The following MAP1LC3B variants were observed in gnomAD, a reference collection of about 807,000 sequenced individuals.
MAP1LC3B encodes the protein microtubule associated protein 1 light chain 3 beta.
In MAP1LC3B, 12 loss-of-function variants were observed where a neutral mutation model predicts 16.7. The observed-to-expected ratio is 0.72, with a 90% CI of 0.46 to 1.16. The LOEUF (loss-of-function observed/expected upper bound fraction) is 1.16. Ranked by LOEUF, MAP1LC3B falls within the 50% of genes most tolerant of loss-of-function variation. The probability of loss-of-function intolerance (pLI) is 0.00; values close to 1 mark genes in which losing one functional copy is unlikely to be tolerated. For missense variants in MAP1LC3B, 155 were observed against 159.5 expected (o/e 0.97, Z 0.15); for synonymous variants, 63 against 56.5 (o/e 1.11, Z -0.51).
In MAP1LC3B at chr16:87,397,952, T is replaced by C. The variant is rs953575611; in HGVS notation, c.41-863T>C. Among the ~76,000 whole-genome samples, 9 of 152,168 alleles carry C rather than the reference T, an allele frequency of 5.9e-5. No homozygotes were observed. The South Asian group carries it at 6.2e-4, about 11-fold the overall frequency. On this transcript the variant is annotated intron_variant, in intron 1 of 3. Coordinates refer to ENST00000268607, the MANE Select transcript of MAP1LC3B (RefSeq NM_022818.5). ...GAACTGGACTTGGCTTGTTTTTTTT[T>C]CCCTGTATTGCCCACAGTCTAGTAC...
At chr16:87,393,124 G>C (rs1455347582) in intron 1 of MAP1LC3B, 2 of 152,296 alleles carry the variant, frequency 1.3e-5, no homozygotes, top group Admixed American at 6.5e-5. Flanking sequence ...GACTTCTCTT[G>C]GGTTTGCGAT....
intron 2 of MAP1LC3B, chr16:87,399,485 A>C: frequency 2.6e-6 from 1 of 382,622 alleles, no homozygotes; most frequent in South Asian, 2.0e-5. Flanking sequence ...CTTACACAGA[A>C]CCCTATGTAG....
At chr16:87,398,752 AGCAGT>A in intron 1 of MAP1LC3B, 58 bp from the exon 2 acceptor site, 8 of 1,426,262 alleles carry the variant, frequency 5.6e-6, no homozygotes, top group Non-Finnish European at 7.9e-6. Context: ...GAGAACCAGC[AGCAGT>A]GCTGGGAAGA....
intron 1 of MAP1LC3B, among the ~76,000 whole-genome samples, chr16:87,393,617 C>G (rs938720924): frequency 6.6e-6 from 1 of 152,138 alleles, no homozygotes; most frequent in African/African-American, 2.4e-5. Flanking sequence ...TGAGGCAGTC[C>G]GTTGGTTAGC....
chr16:87,402,273 G>A lies in MAP1LC3B; in HGVS notation c.195G>A (p.Lys65=), dbSNP rs1326147094. 1.1e-5 allele frequency: 17 copies of A among 1,613,702 alleles called. No homozygotes were observed. The highest frequency in any genetic ancestry group is 1.4e-5 in the Non-Finnish European group (17 of 1,179,786). Residue 65 remains lysine, a synonymous_variant, in exon 3 of 4, where the codon AAG becomes AAA. Coordinates refer to ENST00000268607, the MANE Select transcript of MAP1LC3B (RefSeq NM_022818.5). The stretch of plus-strand genomic sequence containing the variant: ...ATGTCAACATGAGTGAGCTCATCAA[G>A]ATAATTAGGTATTCAGTCACCTTTG... The part of the protein sequence containing the change: ...PDHVNMSELI[K]IIRRRLQLNA...
At chr16:87,402,126 C>T (rs770146953) in intron 2 of MAP1LC3B, 49 bp from the exon 3 acceptor site, 34 of 1,601,542 alleles carry the variant, frequency 2.1e-5, no homozygotes, top group South Asian at 6.6e-5. Context: ...TGAGCCACCG[C>T]GCCTGGCCCT....
chr16:87,394,499 C>T (rs567983791), intron 1 of MAP1LC3B, among the ~76,000 whole-genome samples: 4 of 152,218 alleles, frequency 2.6e-5, no homozygotes, highest in Non-Finnish European at 5.9e-5. Context: ...CTGATAAACT[C>T]TACCAGGATT....
chr16:87,402,944 T>C lies in MAP1LC3B; in HGVS notation c.225T>C (p.Ala75=). Residue 75 remains alanine, a synonymous_variant, in exon 4 of 4, where the codon GCT becomes GCC. Coordinates refer to ENST00000268607, the MANE Select transcript of MAP1LC3B (RefSeq NM_022818.5). ...KIIRRRLQLN[A]NQAFFLLVNG... Reference sequence around the variant, plus strand: ...ATAGAAGGCGCTTACAGCTCAATGCTAATCAGGCCTTCTTCCTGTTGGTGA... The same window carrying C: ...ATAGAAGGCGCTTACAGCTCAATGCCAATCAGGCCTTCTTCCTGTTGGTGA... 6.2e-7 allele frequency: 1 copy of C among 1,614,016 alleles called. No homozygotes were observed. The highest frequency in any genetic ancestry group is 8.5e-7 in the Non-Finnish European group (1 of 1,179,876).
intron 1 of MAP1LC3B, chr16:87,393,329 G>T (rs923452307): frequency 6.6e-6 from 1 of 152,222 alleles, no homozygotes; most frequent in African/African-American, 2.4e-5. Flanking sequence ...GGTATCTGTT[G>T]TTGCCTAAGT....
intron 2 of MAP1LC3B, among the ~76,000 whole-genome samples, chr16:87,401,718 CG>C (rs1229244222): frequency 6.6e-6 from 1 of 152,056 alleles, no homozygotes; most frequent in South Asian, 2.1e-4. Flanking sequence ...TTAGTAGAGT[CG>C]GGGTTTTGCC....
intron 1 of MAP1LC3B, among the ~76,000 whole-genome samples, chr16:87,398,306 G>A (rs1325355157): frequency 6.6e-6 from 1 of 152,172 alleles, no homozygotes; most frequent in Non-Finnish European, 1.5e-5. Context: ...GGGATTACAG[G>A]CATCATATTC....
intron 1 of MAP1LC3B, among the ~76,000 whole-genome samples, chr16:87,395,693 A>C (rs1907773573): frequency 6.6e-6 from 1 of 152,124 alleles, no homozygotes; most frequent in Non-Finnish European, 1.5e-5. Flanking sequence ...TTTACAGCTT[A>C]AGGAAGTAAC....
Position 87,402,288 on chromosome 16 carries a change from A to T in MAP1LC3B, c.203+7A>T. 6.2e-7 allele frequency: 1 copy of T among 1,611,688 alleles called. No homozygotes were observed. The highest frequency in any genetic ancestry group is 1.1e-5 in the South Asian group (1 of 90,928). On this transcript the variant is annotated splice_region_variant and intron_variant, in intron 3 of 3. Coordinates refer to ENST00000268607, the MANE Select transcript of MAP1LC3B (RefSeq NM_022818.5). ...AGCTCATCAAGATAATTAGGTATTCAGTCACCTTTGTTTCATAATATATTT... is the reference window on the plus strand; with the variant it reads ...AGCTCATCAAGATAATTAGGTATTCTGTCACCTTTGTTTCATAATATATTT...
rs181149639 is a variant in MAP1LC3B, at chr16:87,395,137, T to A, written c.40+2670T>A. Among the ~76,000 whole-genome samples, 15 of 152,346 alleles carry A rather than the reference T, an allele frequency of 9.8e-5. No homozygotes were observed. The East Asian group carries it at 2.1e-3, about 22-fold the overall frequency. On this transcript the variant is annotated intron_variant, in intron 1 of 3. Transcript: ENST00000268607. Reference sequence around the variant, plus strand: ...ATTTTACTTAAAATGACTGAAGATATCTCAAAACAACTTTGCAAAGAACGT... The same window carrying A: ...ATTTTACTTAAAATGACTGAAGATAACTCAAAACAACTTTGCAAAGAACGT...
At position 87,392,365 on chromosome 16, in the gene MAP1LC3B, C is replaced by G; in HGVS notation, c.-63C>G. On this transcript the variant is annotated 5_prime_UTR_variant, in exon 1 of 4. Coordinates refer to ENST00000268607, the MANE Select transcript of MAP1LC3B (RefSeq NM_022818.5). ...TCGGATTCGCCGCCGCAGCAGCCGC[C>G]GCCCCCGGGAGCCGCCGGGACCCTC... is the stretch of plus-strand genomic sequence containing the variant. The G allele has an allele frequency of 7.3e-7, 1 of 1,367,532 alleles. No individual in the cohort carries two copies. The highest frequency in any genetic ancestry group is 9.4e-7 in the Non-Finnish European group (1 of 1,066,264). 84.7% of individuals were successfully genotyped at this position (1,367,532 alleles called of 1,614,324 possible).
intron 3 of MAP1LC3B, 96 bp downstream of exon 3, chr16:87,402,377 T>G (rs1597391657): frequency 3.2e-5 from 38 of 1,173,398 alleles, no homozygotes; most frequent in Non-Finnish European, 4.5e-5. Flanking sequence ...GGTTAAAATC[T>G]TTAAAAAATA....
At position 87,402,250 on chromosome 16, in the gene MAP1LC3B, G is replaced by A; in HGVS notation, c.172G>A (p.Val58Ile). The change falls in exon 3 of 4, where the codon GTC becomes ATC. Residue 58 changes from valine (V) to isoleucine (I), a missense_variant. Transcript: ENST00000268607. ...DKTKFLVPDH[V>I]NMSELIKIIR... ...AACAAAGTTCCTTGTACCTGACCAT[G>A]TCAACATGAGTGAGCTCATCAAGAT... 2 of 1,614,132 alleles carry A rather than the reference G, an allele frequency of 1.2e-6. No individual in the cohort carries two copies. The highest frequency in any genetic ancestry group is 1.7e-6 in the Non-Finnish European group (2 of 1,180,014).
rs1421739055 is a variant in MAP1LC3B at position 87,404,466 on chromosome 16, G to A, written c.*1369G>A. 6.6e-6 allele frequency: 1 copy of A among 150,738 alleles called. No individual in the cohort carries two copies. Among genetic ancestry groups the A allele is most frequent in the Non-Finnish European group, 1.5e-5 (1 of 68,050 alleles). 9.3% of individuals were successfully genotyped at this position (150,738 alleles called of 1,614,324 possible). On this transcript the variant is annotated 3_prime_UTR_variant, in exon 4 of 4. Transcript: ENST00000268607. ...TCTGGGCCCTCTACTGATTGTTAAA[G>A]GAGTTCCTGTCACCTGCTCCCCCCA...
intron 1 of MAP1LC3B, among the ~76,000 whole-genome samples, chr16:87,394,277 A>AT (rs1270502910): frequency 2.2e-5 from 1 of 46,134 alleles, no homozygotes; most frequent in Non-Finnish European, 1.5e-4. Context: ...GATTTTGGTA[A>AT]TTAAAAAAAA....
Sources: allele counts gnomAD v4.1 joint callset (sites outside exome capture counted in the v4.1 genomes callset), GRCh38; gene constraint gnomAD v4.1.1; transcripts MANE v1.5; gene names NCBI Gene and HGNC (gene_info 2026-07-23, HGNC 2026-07-21).